The following EBF1 variants were observed in gnomAD, a reference collection of about 807,000 sequenced individuals.
EBF1 encodes EBF transcription factor 1.
Under a neutral mutation model 68.4 loss-of-function variants are expected in EBF1, and 10 were observed. The ratio of observed to expected loss-of-function variants is 0.15; its 90% confidence interval spans 0.09 to 0.25. EBF1 has a LOEUF of 0.25. Among genes scored for constraint, EBF1 ranks in the 10% least tolerant of loss-of-function variants. EBF1 has a pLI of 1.00. For synonymous variants in EBF1, 298 were observed against 299.8 expected (o/e 0.99, Z 0.06); for missense variants, 509 against 794.4 (o/e 0.64, Z 4.32).
chr5:158,785,665 C>A (rs943581803), intron 9 of EBF1, among the ~76,000 whole-genome samples: 3 of 152,104 alleles, frequency 2.0e-5, no homozygotes, highest in Non-Finnish European at 4.4e-5. Flanking sequence ...CCGATGTTTA[C>A]CAAAATATGC....
intron 10 of EBF1, among the ~76,000 whole-genome samples, chr5:158,773,473 C>T (rs960475976): frequency 2.0e-5 from 3 of 152,080 alleles, no homozygotes; most frequent in Admixed American, 6.5e-5. Flanking sequence ...TGATAAGTGA[C>T]CTAACCAGAC....
At chr5:158,720,581 TTC>T (rs987958010) in intron 11 of EBF1, among the ~76,000 whole-genome samples, 1 of 152,166 alleles carries the variant, frequency 6.6e-6, no homozygotes, top group African/African-American at 2.4e-5. Flanking sequence ...CCTCAAATTT[TTC>T]ATTTTTCTTG....
intron 14 of EBF1, among the ~76,000 whole-genome samples, chr5:158,709,593 C>T (rs1758702106): frequency 6.6e-6 from 1 of 152,214 alleles, no homozygotes; most frequent in African/African-American, 2.4e-5. Flanking sequence ...GCAACAATTG[C>T]CATCAGGGGA....
rs549646420 is a variant in EBF1 at position 158,834,637 on chromosome 5, G to A, written c.636+5392C>T. Among the ~76,000 whole-genome samples, 4 of 152,220 alleles carry A rather than the reference G, an allele frequency of 2.6e-5. No homozygotes were observed. In the East Asian group the frequency reaches 5.8e-4, roughly 22 times the overall value. Reference sequence around the variant, plus strand: ...ACACTAAGGTCACACTAATTGACACGACCTGTGTAATTAAGCAATCTCTGT... The same window carrying A: ...ACACTAAGGTCACACTAATTGACACAACCTGTGTAATTAAGCAATCTCTGT... On this transcript the variant is annotated intron_variant, in intron 7 of 15. Coordinates refer to ENST00000313708, the MANE Select transcript of EBF1 (RefSeq NM_024007.5).
chr5:159,059,168 G>A (rs1775332696), intron 6 of EBF1, among the ~76,000 whole-genome samples: 1 of 152,164 alleles, frequency 6.6e-6, no homozygotes, highest in Non-Finnish European at 1.5e-5. Flanking sequence ...AATCTACCCT[G>A]AGCAGCAGAC....
chr5:158,868,745 C>T (rs1796356387), intron 6 of EBF1, among the ~76,000 whole-genome samples: 1 of 152,170 alleles, frequency 6.6e-6, no homozygotes, highest in Admixed American at 6.5e-5. Flanking sequence ...GCACAATTTT[C>T]ATGCAGTGAA....
At chr5:158,971,835 G>A (rs143885515) in intron 6 of EBF1, among the ~76,000 whole-genome samples, 4 of 152,248 alleles carry the variant, frequency 2.6e-5, no homozygotes, top group Admixed American at 6.5e-5. Context: ...GAAAAGTGCC[G>A]AGGACCTAAA....
At chr5:158,758,824 A>T (rs1391152172) in intron 10 of EBF1, among the ~76,000 whole-genome samples, 1 of 152,090 alleles carries the variant, frequency 6.6e-6, no homozygotes, top group Non-Finnish European at 1.5e-5. Context: ...GACTTAGCAT[A>T]CTCCCTGCAG....
At chr5:158,914,896 C>G (rs1372240208) in intron 6 of EBF1, among the ~76,000 whole-genome samples, 1 of 152,144 alleles carries the variant, frequency 6.6e-6, no homozygotes, top group Non-Finnish European at 1.5e-5. Flanking sequence ...ATGGACGACC[C>G]TCTCCATTTA....
chr5:158,903,963 G>T (rs1021768576), intron 6 of EBF1, among the ~76,000 whole-genome samples: 48 of 152,130 alleles, frequency 3.2e-4, no homozygotes, highest in South Asian at 2.1e-4. Context: ...AAAAGACCCG[G>T]TAATCTAGGG....
intron 6 of EBF1, among the ~76,000 whole-genome samples, chr5:158,961,758 T>C (rs1456358616): frequency 1.3e-5 from 2 of 152,228 alleles, no homozygotes; most frequent in African/African-American, 4.8e-5. Context: ...ATAAATTATG[T>C]GCTTACCACC....
intron 10 of EBF1, among the ~76,000 whole-genome samples, chr5:158,768,100 T>C (rs1309240919): frequency 1.3e-5 from 2 of 152,082 alleles, no homozygotes; most frequent in East Asian, 1.9e-4. Flanking sequence ...CACTGGGTCC[T>C]TGGAGCAACA....
Position 158,826,404 on chromosome 5 carries a change from A to G in EBF1, c.637-3087T>C, listed in dbSNP as rs371481967. Among the ~76,000 whole-genome samples, 341 of 152,342 alleles carry G rather than the reference A, an allele frequency of 2.2e-3. 4 individuals carry two copies. Among genetic ancestry groups the G allele is most frequent in the African/African-American group, 7.9e-3 (329 of 41,590 alleles). On this transcript the variant is annotated intron_variant, in intron 7 of 15. Coordinates refer to ENST00000313708, the MANE Select transcript of EBF1 (RefSeq NM_024007.5). ...TAGCCACACTGAGCGTTTCATAGCC[A>G]TAGGCGACTATTGCCTACTGCATTG... is the stretch of plus-strand genomic sequence containing the variant.
intron 10 of EBF1, among the ~76,000 whole-genome samples, chr5:158,775,329 C>G (rs1258570275): frequency 6.6e-6 from 1 of 151,466 alleles, no homozygotes; most frequent in Non-Finnish European, 1.5e-5. Flanking sequence ...GGCCAGGTGG[C>G]TCTAGGGGAT....
intron 4 of EBF1, among the ~76,000 whole-genome samples, chr5:159,091,043 C>A (rs956584342): frequency 6.6e-6 from 1 of 152,290 alleles, no homozygotes; most frequent in East Asian, 1.9e-4. Context: ...TCACCAATGT[C>A]CAAACACTCC....
At chr5:158,887,206 G>A (rs1254812261) in intron 6 of EBF1, among the ~76,000 whole-genome samples, 1 of 152,070 alleles carries the variant, frequency 6.6e-6, no homozygotes, top group Non-Finnish European at 1.5e-5. Context: ...AGACATATAG[G>A]ACCATATGTC....
chr5:158,999,334 G>A (rs1762069143), intron 6 of EBF1, among the ~76,000 whole-genome samples: 1 of 152,152 alleles, frequency 6.6e-6, no homozygotes, highest in South Asian at 2.1e-4. Context: ...CTTCAACCAA[G>A]ACAGGTTTCT....
At chr5:158,852,280 AT>A (rs1793105874) in intron 6 of EBF1, among the ~76,000 whole-genome samples, 1 of 152,040 alleles carries the variant, frequency 6.6e-6, no homozygotes, top group Admixed American at 6.5e-5. Context: ...TTTTGAAACT[AT>A]TTTAAATAAT....
intron 10 of EBF1, among the ~76,000 whole-genome samples, chr5:158,750,809 G>A (rs557351117): frequency 4.0e-5 from 6 of 151,662 alleles, no homozygotes; most frequent in African/African-American, 1.4e-4. Flanking sequence ...TCTTCATAAA[G>A]GGATAGAACA....
Sources: allele counts gnomAD v4.1 joint callset (sites outside exome capture counted in the v4.1 genomes callset), GRCh38; gene constraint gnomAD v4.1.1; transcripts MANE v1.5; gene names NCBI Gene and HGNC (gene_info 2026-07-23, HGNC 2026-07-21).